The following DMBT1 variants were observed in gnomAD, a reference collection of about 807,000 sequenced individuals.
DMBT1 encodes deleted in malignant brain tumors 1.
A neutral mutation model predicts 252.9 loss-of-function variants in DMBT1; 198 were observed. That is an observed-to-expected ratio of 0.78 (90% CI 0.70 to 0.88). The LOEUF is 0.88. Ranked by LOEUF, DMBT1 falls within the 40% of genes least tolerant of loss-of-function variation. DMBT1 has a pLI of 0.00. For synonymous variants in DMBT1, 990 were observed against 942.7 expected, an observed-to-expected ratio of 1.05 and a Z score of -0.92; for missense variants, 2,432 against 2,404.7, an observed-to-expected ratio of 1.01 and a Z score of -0.24.
rs1177280956 is a variant in DMBT1, at chr10:122,589,188, C to T, written c.2028C>T (p.Ser676=). The change falls in exon 17 of 56, where the codon TCC becomes TCT. Residue 676 remains serine, a synonymous_variant. Transcript: ENST00000338354. ...LDDVRCSGHE[S]YLWSCPNNGW... is the part of the protein sequence containing the mutation. ...ATGTGCGCTGCTCAGGACATGAGTC[C>T]TACCTGTGGAGCTGCCCCAACAATG... 1.9e-6 allele frequency: 3 copies of T among 1,588,436 alleles called. No individual in the cohort carries two copies. Among genetic ancestry groups the T allele is most frequent in the East Asian group, 4.7e-5 (2 of 42,722 alleles).
At chr10:122,637,830 A>G (rs907197202) in intron 54 of DMBT1, among the ~76,000 whole-genome samples, 1 of 152,234 alleles carries the variant, frequency 6.6e-6, no homozygotes, top group Non-Finnish European at 1.5e-5. Flanking sequence ...CATTAGCTCC[A>G]TAGTCAGCTG....
chr10:122,589,069 A>G lies in DMBT1; in HGVS notation c.1909A>G (p.Asn637Asp), dbSNP rs2097822675. 1 of 1,588,672 alleles carries G rather than the reference A, an allele frequency of 6.3e-7. No individual in the cohort carries two copies. The highest frequency in any genetic ancestry group is 1.3e-5 in the African/African-American group (1 of 74,548). ...TGACAGCTGGGACACCAATGATGCC[A>G]ATGTGGTCTGCAGGCAGCTGGGCTG... ...CDDSWDTNDA[N>D]VVCRQLGCGW... The change falls in exon 17 of 56, where the codon AAT becomes GAT. Residue 637 changes from asparagine (N) to aspartate (D), a missense_variant. Around this residue, in one of 3 missense-constraint regions of DMBT1, gnomAD observed 1,264 missense variants for 1,082.2 expected, o/e 1.17. Transcript: ENST00000338354.
chr10:122,580,826 G>A (rs2097762092), intron 10 of DMBT1, 40 bp from the exon 11 acceptor site: 2 of 1,613,688 alleles, frequency 1.2e-6, no homozygotes, highest in South Asian at 2.2e-5. Flanking sequence ...CGACTTCTGT[G>A]TAATGTTCCT....
At chr10:122,633,130 G>T in intron 51 of DMBT1, 61 bp from the exon 52 acceptor site, 1 of 1,569,870 alleles carries the variant, frequency 6.4e-7, no homozygotes, top group Non-Finnish European at 8.6e-7. Flanking sequence ...AAAGTAGTCC[G>T]CAGGTAGACT....
Position 122,593,461 on chromosome 10 carries a change from C to G in DMBT1, c.2501-108C>G, listed in dbSNP as rs554413030. The G allele has an allele frequency of 1.9e-3, 2,378 of 1,261,322 alleles. 4 individuals are homozygous for G. The African/African-American group carries it at 0.031, about 16-fold the overall frequency. 78.1% of individuals were successfully genotyped at this position (1,261,322 alleles called of 1,614,324 possible). On this transcript the variant is annotated intron_variant, in intron 20 of 55. Transcript: ENST00000338354. ...AATGTCCCTCCCTGTGTGATAGGAACTAGGATGGACTGAGTGTCAGACTCG... is the reference window on the plus strand; with the variant it reads ...AATGTCCCTCCCTGTGTGATAGGAAGTAGGATGGACTGAGTGTCAGACTCG...
chr10:122,620,806 G>C (rs539682295), intron 43 of DMBT1, among the ~76,000 whole-genome samples: 7 of 152,198 alleles, frequency 4.6e-5, no homozygotes, highest in Admixed American at 3.9e-4. Context: ...GGAGTGAGGC[G>C]TCCATTCCTG....
rs1276699331 is a variant in DMBT1 at position 122,566,001 on chromosome 10, G to GA, written c.91+6dup. 3.1e-6 allele frequency: 5 copies of GA among 1,613,848 alleles called. No homozygotes were observed. In the African/African-American group the frequency reaches 6.7e-5, roughly 22 times the overall value. On this transcript the variant is annotated splice_donor_region_variant and intron_variant, in intron 2 of 55. Transcript: ENST00000338354. The stretch of plus-strand genomic sequence containing the variant: ...TCCCAAGGACTACAGACTACGGTAA[G>GA]ACCTTTTCTTCACTCCTCTTCCCTG...
At chr10:122,600,835 C>T (rs1009844349) in intron 27 of DMBT1, among the ~76,000 whole-genome samples, 156 bp from the exon 28 acceptor site, 1 of 152,114 alleles carries the variant, frequency 6.6e-6, no homozygotes, top group Admixed American at 6.6e-5. Flanking sequence ...TGGATGAGTT[C>T]ACAGCAGAGG....
chr10:122,600,373 T>G lies in DMBT1; in HGVS notation c.3310+280T>G, dbSNP rs1042997473. Among the ~76,000 whole-genome samples, 3 of 152,186 alleles carry G rather than the reference T, an allele frequency of 2.0e-5. No individual in the cohort carries two copies. The East Asian group carries it at 5.8e-4, about 29-fold the overall frequency. On this transcript the variant is annotated intron_variant, in intron 27 of 55. Transcript: ENST00000338354. ...CTTACAGGTTCAGGAAGTGGCCCCA[T>G]GTTTAATGAGCTTTGGTCCTTTTAT...
At position 122,621,280 on chromosome 10, in the gene DMBT1, G is replaced by A. The variant is rs768974697; in HGVS notation, c.5508G>A (p.Val1836=). Residue 1836 remains valine (V), a synonymous_variant, in exon 44 of 56, where the codon GTG becomes GTA. Coordinates refer to ENST00000338354, the MANE Select transcript of DMBT1 (RefSeq NM_001377530.1). ...CAGGACCCATTGTCCTGGATGATGTGCGCTGCTCAGGGAATGAGTCCTACC... is the reference window on the plus strand; with the variant it reads ...CAGGACCCATTGTCCTGGATGATGTACGCTGCTCAGGGAATGAGTCCTACC... ...QGSGPIVLDD[V]RCSGNESYLW... 1 of 1,613,830 alleles carries A rather than the reference G, an allele frequency of 6.2e-7. No individual in the cohort carries two copies. The highest frequency in any genetic ancestry group is 1.3e-5 in the African/African-American group (1 of 75,042).
At chr10:122,633,040 C>A in intron 51 of DMBT1, 150 bp downstream of exon 51, 1 of 1,500,194 alleles carries the variant, frequency 6.7e-7, no homozygotes, top group Non-Finnish European at 9.0e-7. Context: ...AGTGGACGGT[C>A]CAGATCTAGG....
chr10:122,643,149 C>G lies in DMBT1; in HGVS notation c.7380C>G (p.Pro2460=). 6.2e-7 allele frequency: 1 copy of G among 1,613,930 alleles called. No homozygotes were observed. The highest frequency in any genetic ancestry group is 8.5e-7 in the Non-Finnish European group (1 of 1,179,868). Residue 2460 remains proline (P), a synonymous_variant, in exon 56 of 56, where the codon CCC becomes CCG. Transcript: ENST00000338354. ...SGCVRDDTYG[P]YSSPSLRIAR... ...GCGTGAGGGATGACACCTACGGACCCTACTCCTCGCCATCTCTTCGCATTG... is the reference window on the plus strand; with the variant it reads ...GCGTGAGGGATGACACCTACGGACCGTACTCCTCGCCATCTCTTCGCATTG...
rs2098146031 is a variant in DMBT1, at chr10:122,629,844, C to T, written c.5673C>T (p.Pro1891=). 1.2e-6 allele frequency: 2 copies of T among 1,613,960 alleles called. No individual in the cohort carries two copies. Among genetic ancestry groups the T allele is most frequent in the African/African-American group, 1.3e-5 (1 of 75,046 alleles). ...WHPTTTTTAR[P]SSNCGGFLFY... ...TGTCCCCTCTCTCCTCTCTAGGACC[C>T]TCTTCAAATTGTGGTGGCTTCTTAT... is the stretch of plus-strand genomic sequence containing the variant. The change falls in exon 47 of 56, where the codon CCC becomes CCT. Residue 1891 remains proline (P), a synonymous_variant. Transcript: ENST00000338354.
At chr10:122,617,478 T>A (rs1245799096) in intron 40 of DMBT1, among the ~76,000 whole-genome samples, 2 of 151,404 alleles carry the variant, frequency 1.3e-5, no homozygotes, top group Non-Finnish European at 2.9e-5. Flanking sequence ...TTCCAAGTGT[T>A]CAGGAACGAT....
At chr10:122,561,855 T>C (rs939015603) in intron 1 of DMBT1, among the ~76,000 whole-genome samples, 3 of 150,838 alleles carry the variant, frequency 2.0e-5, no homozygotes, top group African/African-American at 4.9e-5. Flanking sequence ...TCTGTTTCTC[T>C]CTCCATCTCT....
In DMBT1 at chr10:122,580,870, C is replaced by T. The variant is rs746117692; in HGVS notation, c.1008C>T (p.Pro336=). 1 of 1,613,932 alleles carries T rather than the reference C, an allele frequency of 6.2e-7. No individual in the cohort carries two copies. Among genetic ancestry groups the T allele is most frequent in the Non-Finnish European group, 8.5e-7 (1 of 1,179,890 alleles). Residue 336 remains proline, a synonymous_variant, in exon 11 of 56, where the codon CCC becomes CCT. Transcript: ENST00000338354. ...CTTCTCTTCTCTTTCTCACAGCTCC[C>T]CAGTCCCGGCCGACACCCAGCCCAG... The part of the protein sequence containing the change: ...SEDAGVICSA[P]QSRPTPSPDT...
chr10:122,636,540 G>A (rs1454615459), intron 53 of DMBT1, among the ~76,000 whole-genome samples: 1 of 152,244 alleles, frequency 6.6e-6, no homozygotes, highest in Non-Finnish European at 1.5e-5. Flanking sequence ...TTCTCAGAGT[G>A]TGGGACACTG....
Position 122,598,653 on chromosome 10 carries a change from T to G in DMBT1, c.2957-121T>G, listed in dbSNP as rs1189813264. 3.2e-6 allele frequency: 5 copies of G among 1,558,844 alleles called. No homozygotes were observed. In the East Asian group the frequency reaches 9.0e-5, roughly 28 times the overall value. On this transcript the variant is annotated intron_variant, in intron 25 of 55. Coordinates refer to ENST00000338354, the MANE Select transcript of DMBT1 (RefSeq NM_001377530.1). ...GCTGAATCTCTGATTTTATTCATAT[T>G]CAAAGGTGACTGCCTGCCCAGGTGA...
At chr10:122,639,969 C>T in intron 54 of DMBT1, 71 bp from the exon 55 acceptor site, 1 of 1,538,226 alleles carries the variant, frequency 6.5e-7, no homozygotes, top group Non-Finnish European at 8.8e-7. Flanking sequence ...TCATTCACAC[C>T]CAAATCAGCT....
Sources: allele counts gnomAD v4.1 joint callset (sites outside exome capture counted in the v4.1 genomes callset), GRCh38; gene constraint gnomAD v4.1.1; regional missense constraint gnomAD v4.1.1; transcripts MANE v1.5; gene names NCBI Gene and HGNC (gene_info 2026-07-23, HGNC 2026-07-21).